SCML4: variants seen among roughly 807,000 people sequenced by gnomAD.
SCML4 encodes Scm polycomb group protein like 4, also known as sex comb on midleg-like protein 4.
SCML4 carries 34 observed loss-of-function variants against 41.1 expected under a neutral mutation model. That is an observed-to-expected ratio of 0.83 (90% CI 0.63 to 1.10). The LOEUF (loss-of-function observed/expected upper bound fraction) is 1.10. Ranked by LOEUF, SCML4 falls within the 50% of genes least tolerant of loss-of-function variation. The pLI, the probability that SCML4 is intolerant of heterozygous loss-of-function variation, is 0.00. For missense variants in SCML4, 522 were observed against 534.1 expected (o/e 0.98, Z 0.22); for synonymous variants, 214 against 220.9 (o/e 0.97, Z 0.28).
intron 1 of SCML4, among the ~76,000 whole-genome samples, chr6:107,786,860 C>T (rs763885116): frequency 1.2e-4 from 19 of 152,218 alleles, no homozygotes; most frequent in African/African-American, 4.3e-4. Flanking sequence ...TGCAATAAGA[C>T]GCAGAGCATC....
At chr6:107,716,277 T>C (rs2114380814) in intron 6 of SCML4, among the ~76,000 whole-genome samples, 1 of 152,262 alleles carries the variant, frequency 6.6e-6, no homozygotes, top group Non-Finnish European at 1.5e-5. Context: ...TCTTAGAACC[T>C]TGAAAGCCAT....
At chr6:107,818,461 G>T (rs1335812255) in intron 1 of SCML4, among the ~76,000 whole-genome samples, 1 of 152,142 alleles carries the variant, frequency 6.6e-6, no homozygotes, top group African/African-American at 2.4e-5. Flanking sequence ...TATTCTCTTT[G>T]GAATCAACAG....
At chr6:107,816,683 G>T (rs1459747643) in intron 1 of SCML4, among the ~76,000 whole-genome samples, 1 of 152,156 alleles carries the variant, frequency 6.6e-6, no homozygotes, top group Non-Finnish European at 1.5e-5. Flanking sequence ...TGGGAGAGAG[G>T]CCTTGAAACC....
intron 5 of SCML4, among the ~76,000 whole-genome samples, chr6:107,726,893 T>C (rs1776038987): frequency 6.6e-6 from 1 of 152,220 alleles, no homozygotes; most frequent in African/African-American, 2.4e-5. Flanking sequence ...CCAGCAATTA[T>C]ACTCCTAGGT....
At chr6:107,832,634 G>A in the SCML4 span, among the ~76,000 whole-genome samples, 2 of 152,160 alleles carry the variant, frequency 1.3e-5, no homozygotes, top group African/African-American at 4.8e-5. Context: ...CCAGGCACTG[G>A]AGCTGCCTGG....
chr6:107,796,766 T>C (rs1396826685), intron 1 of SCML4, among the ~76,000 whole-genome samples: 1 of 152,200 alleles, frequency 6.6e-6, no homozygotes, highest in Non-Finnish European at 1.5e-5. Context: ...TTTTTTGTTG[T>C]TGTACTTATC....
intron 2 of SCML4, among the ~76,000 whole-genome samples, chr6:107,761,597 A>T (rs1779603098): frequency 6.6e-6 from 1 of 151,930 alleles, no homozygotes; most frequent in Non-Finnish European, 1.5e-5. Context: ...CTACCATGCC[A>T]AGCGAATTTT....
chr6:107,751,282 T>G (rs1158514018), intron 2 of SCML4, among the ~76,000 whole-genome samples: 1 of 152,090 alleles, frequency 6.6e-6, no homozygotes, highest in African/African-American at 2.4e-5. Flanking sequence ...AATAAGGAGG[T>G]TGAGGCATTT....
intron 1 of SCML4, among the ~76,000 whole-genome samples, chr6:107,811,209 C>G (rs1214992912): frequency 6.6e-6 from 1 of 152,134 alleles, no homozygotes; most frequent in Non-Finnish European, 1.5e-5. Context: ...TGTAAGCCAC[C>G]CAGTCTGCAG....
At chr6:107,755,384 C>G (rs1161061511) in intron 2 of SCML4, among the ~76,000 whole-genome samples, 1 of 152,014 alleles carries the variant, frequency 6.6e-6, no homozygotes, top group Non-Finnish European at 1.5e-5. Context: ...GTAGAAATAC[C>G]CTTTTGACTT....
chr6:107,801,264 T>C (rs933137776), intron 1 of SCML4, among the ~76,000 whole-genome samples: 1 of 152,148 alleles, frequency 6.6e-6, no homozygotes, highest in Admixed American at 6.5e-5. Context: ...CAGGTCACAC[T>C]CTCACTGTTC....
rs116532117 is a variant in SCML4 at position 107,702,949 on chromosome 6, G to A, written c.*2251C>T. Among the ~76,000 whole-genome samples, 184 of 152,284 alleles carry A rather than the reference G, an allele frequency of 1.2e-3. No homozygotes were observed. Among genetic ancestry groups the A allele is most frequent in the African/African-American group, 4.0e-3 (165 of 41,548 alleles). On this transcript the variant is annotated 3_prime_UTR_variant, in exon 8 of 8. Transcript: ENST00000369020. ...TCATAAAGACCTTCTGATAAAACAGGTTGCAGTAAAGAAGTTGGCTAAAAC... is the reference window on the plus strand; with the variant it reads ...TCATAAAGACCTTCTGATAAAACAGATTGCAGTAAAGAAGTTGGCTAAAAC...
intron 1 of SCML4, among the ~76,000 whole-genome samples, chr6:107,777,697 A>G (rs1304418282): frequency 6.6e-6 from 1 of 152,180 alleles, no homozygotes; most frequent in Non-Finnish European, 1.5e-5. Context: ...AAGCACATCT[A>G]TAAACAGATG....
chr6:107,811,776 A>G (rs1784175286), intron 1 of SCML4, among the ~76,000 whole-genome samples: 1 of 152,140 alleles, frequency 6.6e-6, no homozygotes, highest in Admixed American at 6.5e-5. Flanking sequence ...GGGAAGTGAA[A>G]TTGATGGTGC....
chr6:107,804,023 G>A (rs1032710909), intron 1 of SCML4, among the ~76,000 whole-genome samples: 10 of 137,946 alleles, frequency 7.2e-5, no homozygotes, highest in African/African-American at 2.2e-4. Flanking sequence ...CCCCCTCTGC[G>A]AGAAACACCC....
chr6:107,717,678 G>A (rs1774973467), intron 6 of SCML4, among the ~76,000 whole-genome samples: 1 of 152,186 alleles, frequency 6.6e-6, no homozygotes, highest in Non-Finnish European at 1.5e-5. Flanking sequence ...CTCTCAAGTA[G>A]CTGGTATTAC....
At chr6:107,787,710 A>G (rs1391215709) in intron 1 of SCML4, among the ~76,000 whole-genome samples, 1 of 152,254 alleles carries the variant, frequency 6.6e-6, no homozygotes, top group African/African-American at 2.4e-5. Flanking sequence ...CAAGATTCAA[A>G]TAACACAAAT....
intron 2 of SCML4, among the ~76,000 whole-genome samples, chr6:107,765,714 G>A (rs186157192): frequency 1.6e-4 from 24 of 152,170 alleles, no homozygotes; most frequent in African/African-American, 5.1e-4. Flanking sequence ...CTAATTTTAC[G>A]ACTCCATCTG....
the SCML4 span, among the ~76,000 whole-genome samples, chr6:107,835,506 A>T: frequency 6.6e-6 from 1 of 152,110 alleles, no homozygotes; most frequent in Non-Finnish European, 1.5e-5. Context: ...TCGGGAGGCC[A>T]AAAGAGGAGG....
Sources: gnomAD v4.1 joint callset for allele counts (sites outside exome capture counted in the v4.1 genomes callset) on GRCh38, gnomAD v4.1.1 for gene constraint, MANE v1.5 for transcripts, NCBI Gene and HGNC (gene_info 2026-07-23, HGNC 2026-07-21) for gene names.